RAP1GDS1: variants seen among roughly 807,000 people sequenced by gnomAD.
RAP1GDS1 encodes the protein Rap1 GTPase-GDP dissociation stimulator 1, also known as RAP1, GTP-GDP dissociation stimulator 1.
RAP1GDS1 carries 35 observed loss-of-function variants against 71.1 expected under a neutral mutation model. That is an observed-to-expected ratio of 0.49 (90% CI 0.38 to 0.65). The LOEUF (loss-of-function observed/expected upper bound fraction) is 0.65. Ranked by LOEUF, RAP1GDS1 falls within the 30% of genes least tolerant of loss-of-function variation. The pLI is 0.00. For synonymous variants in RAP1GDS1, 229 were observed against 243.1 expected (o/e 0.94, Z 0.54); for missense variants, 663 against 706.1 (o/e 0.94, Z 0.69).
intron 1 of RAP1GDS1, among the ~76,000 whole-genome samples, chr4:98,262,770 A>G (rs1010493429): frequency 1.3e-5 from 2 of 152,248 alleles, no homozygotes; most frequent in Non-Finnish European, 2.9e-5. Context: ...GGTGCAACTC[A>G]GAATCTTCAA....
chr4:98,325,779 G>T (rs1283322153), intron 2 of RAP1GDS1, among the ~76,000 whole-genome samples: 1 of 118,052 alleles, frequency 8.5e-6, no homozygotes, highest in East Asian at 3.2e-4. Flanking sequence ...TGGTGGGGTG[G>T]GGGGAGGGGG....
In RAP1GDS1 at chr4:98,374,114, G is replaced by A. The variant is rs537401403; in HGVS notation, c.362-4903G>A. Among the ~76,000 whole-genome samples, 182 of 152,220 alleles carry A rather than the reference G, an allele frequency of 1.2e-3. 1 individual carries two copies. The highest frequency in any genetic ancestry group is 4.0e-3 in the African/African-American group (166 of 41,522). On this transcript the variant is annotated intron_variant, in intron 4 of 14. Transcript: ENST00000408927. Reference sequence around the variant, plus strand: ...GCAGAAAGTAAAACCATGGATGAAGGGGGACTACTGACTACTGTACACTTA... The same window carrying A: ...GCAGAAAGTAAAACCATGGATGAAGAGGGACTACTGACTACTGTACACTTA...
intron 3 of RAP1GDS1, among the ~76,000 whole-genome samples, chr4:98,347,635 G>A (rs1480461117): frequency 6.6e-6 from 1 of 152,186 alleles, no homozygotes; most frequent in Non-Finnish European, 1.5e-5. Flanking sequence ...TCTATTCACT[G>A]TCATTCTGCA....
At chr4:98,441,948 A>C (rs766062655) in intron 14 of RAP1GDS1, 42 bp from the exon 15 acceptor site, 2 of 1,605,604 alleles carry the variant, frequency 1.2e-6, no homozygotes, top group Non-Finnish European at 1.7e-6. Context: ...TAGACTTAGA[A>C]CAACCTAACA....
At chr4:98,373,254 T>C (rs1395056223) in intron 4 of RAP1GDS1, among the ~76,000 whole-genome samples, 2 of 152,200 alleles carry the variant, frequency 1.3e-5, no homozygotes, top group Non-Finnish European at 2.9e-5. Flanking sequence ...GGTTGGACTT[T>C]AAAGATGTTA....
Position 98,442,568 on chromosome 4 carries a change from CA to C in RAP1GDS1, c.*457del, listed in dbSNP as rs1443440910. 8.8e-6 allele frequency: 2 copies of C among 227,984 alleles called. No homozygotes were observed. Among genetic ancestry groups the C allele is most frequent in the African/African-American group, 2.2e-5 (1 of 45,020 alleles). The allele number at this position is 227,984 out of a possible 1,614,324, so 14.1% of individuals were successfully genotyped here. On this transcript the variant is annotated 3_prime_UTR_variant, in exon 15 of 15. Transcript: ENST00000408927. Reference sequence around the variant, plus strand: ...TTTGGTGCTTGGGAAGCACAGTGACCAAAAAAGTTGTATGGCTGCTTATTCA... The same window carrying C: ...TTTGGTGCTTGGGAAGCACAGTGACCAAAAAGTTGTATGGCTGCTTATTCA...
intron 4 of RAP1GDS1, among the ~76,000 whole-genome samples, chr4:98,359,868 C>CGCA (rs1560898751): frequency 6.6e-6 from 1 of 152,050 alleles, no homozygotes; most frequent in Non-Finnish European, 1.5e-5. Flanking sequence ...ATAGTGACTG[C>CGCA]GGCAGAGAGA....
chr4:98,327,338 T>C (rs181029897), intron 2 of RAP1GDS1, among the ~76,000 whole-genome samples: 1 of 152,300 alleles, frequency 6.6e-6, no homozygotes, highest in African/African-American at 2.4e-5. Context: ...ATGAGAAGGA[T>C]TACATAATTG....
intron 2 of RAP1GDS1, 29 bp from the exon 3 acceptor site, chr4:98,343,110 C>G: frequency 6.4e-7 from 1 of 1,570,342 alleles, no homozygotes; most frequent in Non-Finnish European, 8.6e-7. Context: ...AAGATTTTCA[C>G]TGAAGCTCTT....
At chr4:98,265,062 A>G (rs1470162383) in intron 1 of RAP1GDS1, among the ~76,000 whole-genome samples, 1 of 152,214 alleles carries the variant, frequency 6.6e-6, no homozygotes, top group Admixed American at 6.5e-5. Flanking sequence ...TAAGTGATGG[A>G]TCACATCTGT....
intron 2 of RAP1GDS1, among the ~76,000 whole-genome samples, chr4:98,325,688 C>T (rs1314172506): frequency 1.2e-4 from 17 of 146,424 alleles, no homozygotes; most frequent in Admixed American, 2.8e-4. Flanking sequence ...AACCAAACAC[C>T]GAATATTCTC....
At chr4:98,403,442 CT>C (rs1172121152) in intron 6 of RAP1GDS1, among the ~76,000 whole-genome samples, 2 of 152,108 alleles carry the variant, frequency 1.3e-5, no homozygotes, top group African/African-American at 2.4e-5. Context: ...AGATTTCTGC[CT>C]GTGCAGATAG....
chr4:98,295,810 C>T (rs1727651655), intron 2 of RAP1GDS1, among the ~76,000 whole-genome samples: 2 of 151,836 alleles, frequency 1.3e-5, no homozygotes. Context: ...GCCTGTTTTT[C>T]TTGAACTATA....
intron 4 of RAP1GDS1, among the ~76,000 whole-genome samples, chr4:98,370,254 A>G (rs963432628): frequency 1.3e-5 from 2 of 151,634 alleles, no homozygotes; most frequent in African/African-American, 4.9e-5. Context: ...GATGAAACTG[A>G]CTGTGTAATA....
At chr4:98,436,887 A>G (rs1751213192) in intron 13 of RAP1GDS1, 53 bp from the exon 14 acceptor site, 4 of 1,468,250 alleles carry the variant, frequency 2.7e-6, no homozygotes, top group African/African-American at 1.4e-5. Context: ...AGCAGTGTTT[A>G]TCCTGAGGAT....
chr4:98,324,453 G>T (rs1189545122), intron 2 of RAP1GDS1, among the ~76,000 whole-genome samples: 2 of 150,654 alleles, frequency 1.3e-5, no homozygotes, highest in African/African-American at 2.5e-5. Context: ...GAAAGAGCCC[G>T]CATCGCCAAG....
intron 6 of RAP1GDS1, among the ~76,000 whole-genome samples, chr4:98,400,161 T>TAA (rs145469468): frequency 1.2e-3 from 185 of 150,426 alleles, no homozygotes; most frequent in Admixed American, 3.7e-3. Flanking sequence ...CATCTCAGTT[T>TAA]AAAAAAAAAC....
At position 98,323,854 on chromosome 4, in the gene RAP1GDS1, A is replaced by C. The variant is rs1269033154; in HGVS notation, c.113-19285A>C. On this transcript the variant is annotated intron_variant, in intron 2 of 14. Coordinates refer to ENST00000408927, the MANE Select transcript of RAP1GDS1 (RefSeq NM_001100427.2). ...AAAAACTGGAAGCATTCCCTTTGAA[A>C]ACTGGCACAAGACAGGGATGCCCTC... Among the ~76,000 whole-genome samples, 43 of 147,594 alleles carry C rather than the reference A, an allele frequency of 2.9e-4. 1 individual carries two copies. The East Asian group carries it at 3.7e-3, about 13-fold the overall frequency.
At chr4:98,356,983 G>C (rs1738066980) in intron 4 of RAP1GDS1, among the ~76,000 whole-genome samples, 1 of 151,826 alleles carries the variant, frequency 6.6e-6, no homozygotes, top group Admixed American at 6.6e-5. Flanking sequence ...TATAAAAATA[G>C]TGTAGAAGGA....
Sources: gnomAD v4.1 joint callset for allele counts (sites outside exome capture counted in the v4.1 genomes callset) on GRCh38, gnomAD v4.1.1 for gene constraint, MANE v1.5 for transcripts, NCBI Gene and HGNC (gene_info 2026-07-23, HGNC 2026-07-21) for gene names.